The following RALYL variants were observed in gnomAD, a reference collection of about 807,000 sequenced individuals.
RALYL encodes the protein RALY RNA binding protein like.
In RALYL, 29 loss-of-function variants were observed where a neutral mutation model predicts 35.1. The observed-to-expected ratio is 0.83, with a 90% CI of 0.61 to 1.13. The LOEUF is 1.13. Ranked by LOEUF, RALYL falls within the 50% of genes most tolerant of loss-of-function variation. The probability of loss-of-function intolerance (pLI) is 0.00; values close to 1 mark genes in which losing one functional copy is unlikely to be tolerated. For missense variants in RALYL, 359 were observed against 360.4 expected (o/e 1.00, Z 0.03); for synonymous variants, 120 against 127.6 (o/e 0.94, Z 0.40).
intron 1 of RALYL, among the ~76,000 whole-genome samples, chr8:84,439,965 A>G (rs571549944): frequency 6.6e-6 from 1 of 152,276 alleles, no homozygotes; most frequent in East Asian, 1.9e-4. Context: ...TGATATGTGC[A>G]GTTATAATTG....
intron 1 of RALYL, among the ~76,000 whole-genome samples, chr8:84,213,310 G>T (rs1428621642): frequency 6.6e-6 from 1 of 152,258 alleles, no homozygotes; most frequent in East Asian, 1.9e-4. Context: ...AGAATTGCTT[G>T]AACCCGGGAG....
intron 4 of RALYL, among the ~76,000 whole-genome samples, chr8:84,839,039 G>A (rs1437149947): frequency 2.0e-5 from 3 of 152,204 alleles, no homozygotes; most frequent in Non-Finnish European, 4.4e-5. Context: ...CTCCCAGCAT[G>A]AGCAACGCAG....
chr8:84,209,125 C>CAAAAAAAAAAAAAAAAAAAAAAA (rs60246316), intron 1 of RALYL, among the ~76,000 whole-genome samples: 3 of 97,504 alleles, frequency 3.1e-5, no homozygotes, highest in Admixed American at 1.2e-4. Context: ...ACTCCTCCAC[C>CAAAAAAAAAAAAAAAAAAAAAAA]AAAAAAAAAA....
chr8:84,581,530 G>C (rs1293217263), intron 2 of RALYL, among the ~76,000 whole-genome samples: 1 of 152,136 alleles, frequency 6.6e-6, no homozygotes, highest in Non-Finnish European at 1.5e-5. Flanking sequence ...CCTGCAGAGA[G>C]CTGGCACATT....
intron 2 of RALYL, among the ~76,000 whole-genome samples, chr8:84,551,229 G>A (rs1044746475): frequency 3.9e-5 from 6 of 151,978 alleles, no homozygotes; most frequent in African/African-American, 9.7e-5. Context: ...GTCTTTTAAA[G>A]TAATTGTAAT....
At chr8:84,880,168 T>A (rs1166706968) in intron 7 of RALYL, among the ~76,000 whole-genome samples, 1 of 152,054 alleles carries the variant, frequency 6.6e-6, no homozygotes, top group Non-Finnish European at 1.5e-5. Flanking sequence ...AATGATAACA[T>A]GTCAAAGAGA....
rs112365459 is a variant in RALYL, at chr8:84,529,759, G to C, written c.256+182G>C. On this transcript the variant is annotated intron_variant, in intron 2 of 8. Coordinates refer to ENST00000521268, the MANE Select transcript of RALYL (RefSeq NM_173848.7). ...TTTGTATATAGGTATCTTATTTTCT[G>C]TACAAATTTATAAATTTGAGATCAA... is the stretch of plus-strand genomic sequence containing the variant. Among the ~76,000 whole-genome samples, 1,300 of 151,636 alleles carry C rather than the reference G, an allele frequency of 8.6e-3. 18 individuals carry two copies. Among genetic ancestry groups the C allele is most frequent in the African/African-American group, 0.029 (1,191 of 41,294 alleles).
At chr8:84,420,322 T>C (rs1355937232) in intron 1 of RALYL, among the ~76,000 whole-genome samples, 2 of 152,140 alleles carry the variant, frequency 1.3e-5, no homozygotes, top group East Asian at 3.8e-4. Context: ...TTTCATGTGT[T>C]TTTTGGCTGC....
intron 4 of RALYL, among the ~76,000 whole-genome samples, chr8:84,806,916 C>A (rs1165064324): frequency 6.6e-6 from 1 of 152,000 alleles, no homozygotes; most frequent in South Asian, 2.1e-4. Flanking sequence ...GGGGCTGAGG[C>A]GGGAGGATCA....
At chr8:84,772,029 T>G (rs774725367) in intron 2 of RALYL, among the ~76,000 whole-genome samples, 1 of 152,086 alleles carries the variant, frequency 6.6e-6, no homozygotes, top group Non-Finnish European at 1.5e-5. Context: ...TTTTTTGGTA[T>G]GGTGTAGGTA....
intron 1 of RALYL, among the ~76,000 whole-genome samples, chr8:84,455,465 C>G (rs1458013913): frequency 6.6e-6 from 1 of 151,952 alleles, no homozygotes; most frequent in Admixed American, 6.6e-5. Flanking sequence ...TCCAAAAGTA[C>G]TGAGTTTTTG....
At chr8:84,860,662 C>CCTGTTTTTGCTAG (rs1260568938) in intron 5 of RALYL, among the ~76,000 whole-genome samples, 23 of 152,188 alleles carry the variant, frequency 1.5e-4, no homozygotes, top group African/African-American at 5.5e-4. Flanking sequence ...ACATCCATGA[C>CCTGTTTTTGCTAG]CTGTTCTTTG....
At chr8:84,331,034 A>G (rs1324337801) in intron 1 of RALYL, among the ~76,000 whole-genome samples, 1 of 152,050 alleles carries the variant, frequency 6.6e-6, no homozygotes, top group African/African-American at 2.4e-5. Flanking sequence ...TTTAAGGTGA[A>G]TTTTATTGAA....
At chr8:84,721,608 T>C (rs1297436493) in intron 2 of RALYL, among the ~76,000 whole-genome samples, 1 of 152,160 alleles carries the variant, frequency 6.6e-6, no homozygotes, top group African/African-American at 2.4e-5. Flanking sequence ...CAATTTTGCA[T>C]CAGTTAGAGG....
intron 1 of RALYL, among the ~76,000 whole-genome samples, chr8:84,231,571 G>C (rs373228030): frequency 6.6e-6 from 1 of 152,102 alleles, no homozygotes; most frequent in Non-Finnish European, 1.5e-5. Context: ...CATGACTCCC[G>C]GTGAGGGCTG....
chr8:84,825,503 T>C (rs1829478982), intron 4 of RALYL, among the ~76,000 whole-genome samples: 1 of 151,998 alleles, frequency 6.6e-6, no homozygotes, highest in Non-Finnish European at 1.5e-5. Context: ...GGGGTATATA[T>C]CCAAAAGTAA....
intron 2 of RALYL, among the ~76,000 whole-genome samples, chr8:84,669,463 A>G (rs1253039474): frequency 7.4e-6 from 1 of 134,442 alleles, no homozygotes; most frequent in Admixed American, 7.9e-5. Context: ...TTAGTTATTC[A>G]GCCCACATCT....
intron 1 of RALYL, among the ~76,000 whole-genome samples, chr8:84,312,181 G>A (rs1434569982): frequency 2.0e-5 from 3 of 152,102 alleles, no homozygotes; most frequent in African/African-American, 7.2e-5. Context: ...GATCCTGCAA[G>A]AATTCCCTCA....
chr8:84,560,378 A>G (rs995600155), intron 2 of RALYL, among the ~76,000 whole-genome samples: 3 of 152,060 alleles, frequency 2.0e-5, no homozygotes, highest in Non-Finnish European at 4.4e-5. Context: ...TAATAATGTC[A>G]GCAACAAAAG....
Sources: gnomAD v4.1 joint callset for allele counts (sites outside exome capture counted in the v4.1 genomes callset) on GRCh38, gnomAD v4.1.1 for gene constraint, MANE v1.5 for transcripts, NCBI Gene and HGNC (gene_info 2026-07-23, HGNC 2026-07-21) for gene names.